RPA3: variants seen among roughly 807,000 people sequenced by gnomAD.
RPA3 encodes the protein replication protein A3, also known as replication protein A 14 kDa subunit.
Under a neutral mutation model 13.7 loss-of-function variants are expected in RPA3, and 24 were observed. The ratio of observed to expected loss-of-function variants is 1.75; its 90% CI spans 1.27 to 2.46. The LOEUF (loss-of-function observed/expected upper bound fraction) is 2.46, where lower values mean the gene tolerates loss of function less well. Among genes scored for constraint, RPA3 ranks in the 30% most tolerant of loss-of-function variants. RPA3 has a pLI of 0.00. For synonymous variants in RPA3, 59 were observed against 51.2 expected (o/e 1.15, Z -0.65); for missense variants, 183 against 151.0 (o/e 1.21, Z -1.11).
chr7:7,704,341 A>T (rs897675217), intron 2 of RPA3, among the ~76,000 whole-genome samples: 3 of 152,162 alleles, frequency 2.0e-5, no homozygotes, highest in African/African-American at 4.8e-5. Context: ...TGAAGTTTTG[A>T]TTTCTAATAT....
chr7:7,682,762 G>T (rs28915977), intron 4 of RPA3, among the ~76,000 whole-genome samples: 1 of 152,116 alleles, frequency 6.6e-6, no homozygotes, highest in African/African-American at 2.4e-5. Flanking sequence ...AGAAAAACTC[G>T]ATTTACATTT....
chr7:7,661,106 G>A (rs1785464219), intron 4 of RPA3, among the ~76,000 whole-genome samples: 2 of 151,500 alleles, frequency 1.3e-5, no homozygotes, highest in Non-Finnish European at 2.9e-5. Flanking sequence ...TGATTGATTC[G>A]GCTATTGATA....
At chr7:7,645,817 AT>A (rs34158584) in intron 4 of RPA3, among the ~76,000 whole-genome samples, 261 of 145,202 alleles carry the variant, frequency 1.8e-3, no homozygotes, top group Non-Finnish European at 1.7e-3. Context: ...TTTGTTTAGG[AT>A]TTTTTTTTTT....
At chr7:7,642,463 A>T (rs1375904266) in intron 4 of RPA3, among the ~76,000 whole-genome samples, 2 of 73,350 alleles carry the variant, frequency 2.7e-5, no homozygotes, top group Non-Finnish European at 2.7e-5. Flanking sequence ...GTACCCTGTA[A>T]TAGTGATTTT....
At chr7:7,673,422 A>G (rs762865254) in intron 4 of RPA3, 28 of 1,001,138 alleles carry the variant, frequency 2.8e-5, no homozygotes, top group Non-Finnish European at 3.8e-5. Context: ...CCTCAGTACC[A>G]GAGACAGAAG....
chr7:7,640,257 AT>A, intron 5 of RPA3, 62 bp downstream of exon 5: 2 of 1,527,624 alleles, frequency 1.3e-6, no homozygotes, highest in South Asian at 2.2e-5. Flanking sequence ...ATCCCCCGTT[AT>A]CCAGGCGGGG....
At position 7,683,362 on chromosome 7, in the gene RPA3, TC is replaced by T. The variant is rs536701847; in HGVS notation, c.-758+2467del. 2.7e-3 allele frequency among the ~76,000 whole-genome samples: 408 copies of T among 152,276 alleles called. 2 individuals are homozygous for T. The highest frequency in any genetic ancestry group is 4.8e-3 in the Non-Finnish European group (327 of 68,016). On this transcript the variant is annotated intron_variant, in intron 4 of 7. Coordinates refer to ENST00000223129, the MANE Select transcript of RPA3 (RefSeq NM_002947.5). ...TTCCCCCCAGAGTTCTCCAGATGAT[TC>T]TAGAGTTCATGCAAGGCTGAGAAGC...
At chr7:7,693,790 A>G (rs1780238566) in intron 2 of RPA3, among the ~76,000 whole-genome samples, 1 of 152,162 alleles carries the variant, frequency 6.6e-6, no homozygotes, top group African/African-American at 2.4e-5. Context: ...GTGATATTTT[A>G]AGTTTAAACT....
chr7:7,714,019 A>G (rs1015474039), intron 2 of RPA3, among the ~76,000 whole-genome samples: 8 of 152,230 alleles, frequency 5.3e-5, no homozygotes, highest in Admixed American at 1.3e-4. Flanking sequence ...TTCATCGTCA[A>G]TACTTCTTTG....
At chr7:7,639,049 C>T (rs751815316) in intron 6 of RPA3, 21 bp downstream of exon 6, 5 of 1,570,910 alleles carry the variant, frequency 3.2e-6, no homozygotes, top group Non-Finnish European at 2.6e-6. Flanking sequence ...ATATAAGAGA[C>T]TTATTAACAC....
chr7:7,640,456 G>T lies in RPA3; in HGVS notation c.-38C>A, dbSNP rs757613659. On this transcript the variant is annotated 5_prime_UTR_variant, in exon 5 of 8. Coordinates refer to ENST00000223129, the MANE Select transcript of RPA3 (RefSeq NM_002947.5). Reference sequence around the variant, plus strand: ...AGACTGCGGCTGGCGGGAAACCCACGGACGACTGAAACTGTGCGCCCCGCG... The same window carrying T: ...AGACTGCGGCTGGCGGGAAACCCACTGACGACTGAAACTGTGCGCCCCGCG... 8.8e-6 allele frequency: 14 copies of T among 1,594,696 alleles called. No individual in the cohort carries two copies. The highest frequency in any genetic ancestry group is 1.2e-5 in the Non-Finnish European group (14 of 1,164,580).
intron 4 of RPA3, among the ~76,000 whole-genome samples, chr7:7,647,211 A>G (rs1250577865): frequency 1.3e-5 from 2 of 152,080 alleles, no homozygotes; most frequent in Non-Finnish European, 2.9e-5. Flanking sequence ...AGTTCTAGGT[A>G]TTTTCTAGTT....
chr7:7,705,203 G>A (rs559484314), intron 2 of RPA3, among the ~76,000 whole-genome samples: 1 of 152,210 alleles, frequency 6.6e-6, no homozygotes, highest in Non-Finnish European at 1.5e-5. Flanking sequence ...AATAGGAAGT[G>A]GCATATAAAC....
chr7:7,702,447 G>T (rs74577524), intron 2 of RPA3, among the ~76,000 whole-genome samples: 2,798 of 152,100 alleles, frequency 0.018, 85 homozygotes, highest in African/African-American at 0.064. Flanking sequence ...AATTCTGGTT[G>T]GGGAGGCAGG....
chr7:7,717,133 T>G (rs1481112844), intron 1 of RPA3, among the ~76,000 whole-genome samples: 2 of 151,114 alleles, frequency 1.3e-5, no homozygotes, highest in East Asian at 3.9e-4. Context: ...CTTGGCTCAC[T>G]GCAACCTCCG....
At chr7:7,684,200 G>C (rs1490746862) in intron 4 of RPA3, among the ~76,000 whole-genome samples, 2 of 151,852 alleles carry the variant, frequency 1.3e-5, no homozygotes, top group Admixed American at 1.3e-4. Context: ...GTTTAGCACA[G>C]ATGCAATTTT....
At chr7:7,676,861 C>T (rs1779753807) in intron 4 of RPA3, among the ~76,000 whole-genome samples, 1 of 151,976 alleles carries the variant, frequency 6.6e-6, no homozygotes, top group South Asian at 2.1e-4. Context: ...AGTTAATTGT[C>T]TTTAAAGTTA....
chr7:7,681,069 A>G (rs1318538464), intron 4 of RPA3, among the ~76,000 whole-genome samples: 1 of 152,160 alleles, frequency 6.6e-6, no homozygotes, highest in Admixed American at 6.6e-5. Flanking sequence ...TGTCTAAATG[A>G]TAAAGCTAAG....
intron 2 of RPA3, among the ~76,000 whole-genome samples, chr7:7,699,265 A>G (rs1285707962): frequency 6.6e-6 from 1 of 152,154 alleles, no homozygotes; most frequent in African/African-American, 2.4e-5. Flanking sequence ...TTTTAATAAT[A>G]TAACAGATTT....
Sources: allele counts gnomAD v4.1 joint callset (sites outside exome capture counted in the v4.1 genomes callset), GRCh38; gene constraint gnomAD v4.1.1; transcripts MANE v1.5; gene names NCBI Gene and HGNC (gene_info 2026-07-23, HGNC 2026-07-21).